The following GPATCH2L variants were observed in gnomAD, a reference collection of about 807,000 sequenced individuals.
GPATCH2L encodes the protein G-patch domain containing 2 like.
Under a neutral mutation model 57.4 loss-of-function variants are expected in GPATCH2L, and 31 were observed. The observed-to-expected ratio is 0.54, with a 90% CI of 0.41 to 0.73. The LOEUF (loss-of-function observed/expected upper bound fraction) is 0.73. GPATCH2L is among the 30% of genes least tolerant of loss of function. The pLI, the probability that GPATCH2L is intolerant of heterozygous loss-of-function variation, is 0.00. For missense variants in GPATCH2L, 481 were observed against 599.9 expected, an observed-to-expected ratio of 0.80 and a Z score of 2.07; for synonymous variants, 199 against 210.7, an observed-to-expected ratio of 0.94 and a Z score of 0.48.
At chr14:76,187,816 A>G (rs2139761149) in intron 8 of GPATCH2L, among the ~76,000 whole-genome samples, 1 of 152,128 alleles carries the variant, frequency 6.6e-6, no homozygotes, top group South Asian at 2.1e-4. Flanking sequence ...GATCTTATTC[A>G]TTCTTTCAAT....
rs1448594880 is a variant in GPATCH2L at position 76,155,075 on chromosome 14, A to G, written c.662+50A>G. 4 of 1,479,366 alleles carry G rather than the reference A, an allele frequency of 2.7e-6. No homozygotes were observed. The African/African-American group carries it at 5.6e-5, about 21-fold the overall frequency. The allele number at this position is 1,479,366 out of a possible 1,614,324, so 91.6% of individuals were successfully genotyped here. ...AGATTTTCCTGGTTAATTTTTCCCA[A>G]AGTGCACATCCATGGTCTTAGTGGG... On this transcript the variant is annotated intron_variant, in intron 2 of 9. Coordinates refer to ENST00000261530, the MANE Select transcript of GPATCH2L (RefSeq NM_017926.4).
At chr14:76,216,062 G>A (rs78919208), downstream of GPATCH2L, among the ~76,000 whole-genome samples, 3,358 of 152,164 alleles carry the variant, frequency 0.022, 74 homozygotes, top group South Asian at 0.076. Context: ...GATGCAGGAG[G>A]TAAAGCAGGG....
At chr14:76,196,358 C>A in intron 9 of GPATCH2L, 1 of 388,122 alleles carries the variant, frequency 2.6e-6, no homozygotes, top group Non-Finnish European at 4.6e-6. Context: ...ATTCTTACTG[C>A]TTTTATAAGT....
chr14:76,231,239 TG>T (rs2040559980), intron 2 of GPATCH2L, among the ~76,000 whole-genome samples: 2 of 152,336 alleles, frequency 1.3e-5, no homozygotes, highest in South Asian at 4.1e-4. Context: ...CCCTCACTGT[TG>T]GTACTGACCG....
chr14:76,232,766 C>T (rs2040579115), intron 2 of GPATCH2L, among the ~76,000 whole-genome samples: 1 of 152,186 alleles, frequency 6.6e-6, no homozygotes, highest in African/African-American at 2.4e-5. Context: ...TGGGAAGTGT[C>T]CTTTTCCCAG....
chr14:76,215,666 A>C (rs2139855370), downstream of GPATCH2L, among the ~76,000 whole-genome samples: 1 of 150,738 alleles, frequency 6.6e-6, no homozygotes, highest in South Asian at 2.2e-4. Context: ...TATCGCAAGA[A>C]CAAAAAACCA....
rs1383861786 is a variant in GPATCH2L at position 76,203,106 on chromosome 14, AG to A, written c.*1257del. 2 of 152,214 alleles carry A rather than the reference AG, an allele frequency of 1.3e-5. No homozygotes were observed. The highest frequency in any genetic ancestry group is 4.8e-5 in the African/African-American group (2 of 41,462). 9.4% of individuals were successfully genotyped at this position (152,214 alleles called of 1,614,324 possible). ...CATCTGCTTATTTTCTGTCTTAAATAGGTGCTGAATGGGGCAGCACCTCCTT... is the reference window on the plus strand; with the variant it reads ...CATCTGCTTATTTTCTGTCTTAAATAGTGCTGAATGGGGCAGCACCTCCTT... On this transcript the variant is annotated 3_prime_UTR_variant, in exon 10 of 10. Transcript: ENST00000261530.
chr14:76,210,884 C>G lies in GPATCH2L; in HGVS notation c.*9033C>G, dbSNP rs1478892220. ...AACACATCTTATGCCAAGCACTCTG[C>G]TAGGAGCTGGGTATACAGAGAAGAA... is the stretch of plus-strand genomic sequence containing the variant. On this transcript the variant is annotated 3_prime_UTR_variant, in exon 10 of 10. Transcript: ENST00000261530. The G allele has an allele frequency of 6.6e-6, 1 of 152,154 alleles. No individual in the cohort carries two copies. Among genetic ancestry groups the G allele is most frequent in the African/African-American group, 2.4e-5 (1 of 41,416 alleles). The allele number at this position is 152,154 out of a possible 1,614,324, so 9.4% of individuals were successfully genotyped here.
In GPATCH2L at chr14:76,207,313, A is replaced by C. The variant is rs1419475312; in HGVS notation, c.*5462A>C. ...CCTGGGTGACAGAGCAAGACCCTGT[A>C]TCAAAAAATAGATAATAAAATAAAA... is the stretch of plus-strand genomic sequence containing the variant. On this transcript the variant is annotated 3_prime_UTR_variant, in exon 10 of 10. Coordinates refer to ENST00000261530, the MANE Select transcript of GPATCH2L (RefSeq NM_017926.4). The C allele has an allele frequency of 6.6e-6, 1 of 152,194 alleles. No individual in the cohort carries two copies. Among genetic ancestry groups the C allele is most frequent in the Admixed American group, 6.5e-5 (1 of 15,268 alleles). 9.4% of individuals were successfully genotyped at this position (152,194 alleles called of 1,614,324 possible). A position where few individuals can be genotyped will look rare whatever the true frequency, so the allele number is the denominator to read the frequency against.
In GPATCH2L at chr14:76,154,865, C is replaced by T. The variant is rs1273360926; in HGVS notation, c.502C>T (p.Leu168=). 3 of 1,614,212 alleles carry T rather than the reference C, an allele frequency of 1.9e-6. No individual in the cohort carries two copies. Among genetic ancestry groups the T allele is most frequent in the Non-Finnish European group, 2.5e-6 (3 of 1,180,026 alleles). ...CRFKSAKKQR[L]SRWKENTPWT... is the part of the protein sequence containing the mutation. The stretch of plus-strand genomic sequence containing the variant: ...GTTCAAGTCTGCTAAGAAGCAGCGT[C>T]TGTCCCGCTGGAAGGAGAATACTCC... The change falls in exon 2 of 10, where the codon CTG becomes TTG. Residue 168 remains leucine (L), a synonymous_variant. Coordinates refer to ENST00000261530, the MANE Select transcript of GPATCH2L (RefSeq NM_017926.4). The surrounding 1 kb of genome is among the most constrained non-coding windows in gnomAD (Gnocchi z 4.4).
At chr14:76,166,521 G>T in intron 2 of GPATCH2L, 142 bp from the exon 3 acceptor site, 1 of 526,532 alleles carries the variant, frequency 1.9e-6, no homozygotes, top group Non-Finnish European at 3.5e-6. Context: ...ATAAAACTTT[G>T]TAGCTTCCTG....
chr14:76,233,258 GT>G (rs1404347095), intron 2 of GPATCH2L, among the ~76,000 whole-genome samples: 1 of 152,112 alleles, frequency 6.6e-6, no homozygotes, highest in East Asian at 1.9e-4. Context: ...AGACCAATTT[GT>G]TTTCCATTCC....
chr14:76,231,722 A>C (rs368253604), intron 2 of GPATCH2L, among the ~76,000 whole-genome samples: 5 of 152,218 alleles, frequency 3.3e-5, no homozygotes, highest in Middle Eastern at 3.4e-3. Context: ...CAGAAGTAGA[A>C]AATGCAAAAA....
Position 76,182,443 on chromosome 14 carries a change from G to A in GPATCH2L, c.1193+1594G>A, listed in dbSNP as rs184059018. 6.3e-3 allele frequency among the ~76,000 whole-genome samples: 841 copies of A among 133,252 alleles called. 7 individuals carry two copies. Among genetic ancestry groups the A allele is most frequent in the African/African-American group, 0.014 (503 of 37,008 alleles). The allele number at this position is 133,252 out of a possible 152,430, so 87.4% of individuals were successfully genotyped here. A position where few individuals can be genotyped will look rare whatever the true frequency, so the allele number is the denominator to read the frequency against. ...AAAATTTTTTTTTTTTAAATCATTT[G>A]TGTCTGGTGATGTACACCTGTAGTC... On this transcript the variant is annotated intron_variant, in intron 8 of 9. Transcript: ENST00000261530.
intron 1 of GPATCH2L, chr14:76,152,538 A>G (rs529531083): frequency 2.5e-6 from 1 of 398,760 alleles, no homozygotes; most frequent in African/African-American, 2.1e-5. Flanking sequence ...TCCACCAGCT[A>G]CCCGTTCCTT....
chr14:76,217,200 A>G (rs1049728601), downstream of GPATCH2L, among the ~76,000 whole-genome samples: 5 of 152,220 alleles, frequency 3.3e-5, no homozygotes, highest in Admixed American at 3.3e-4. Context: ...GCAAGCTAAG[A>G]ACGGTGTTTT....
chr14:76,199,768 A>G (rs921356133), intron 9 of GPATCH2L, among the ~76,000 whole-genome samples: 1 of 152,210 alleles, frequency 6.6e-6, no homozygotes, highest in Non-Finnish European at 1.5e-5. Context: ...CAGTTCCTCA[A>G]AAAGTTAAAC....
downstream of GPATCH2L, among the ~76,000 whole-genome samples, chr14:76,217,765 G>A (rs76265629): frequency 5.1e-3 from 780 of 152,254 alleles, 2 homozygotes; most frequent in Middle Eastern, 0.01. Flanking sequence ...TGAGCAGACA[G>A]TTGACAGAAA....
At chr14:76,222,956 A>G (rs1313856063) in intron 1 of GPATCH2L, among the ~76,000 whole-genome samples, 1 of 58,924 alleles carries the variant, frequency 1.7e-5, no homozygotes, top group Non-Finnish European at 6.4e-5. Flanking sequence ...ACTGTGTTCA[A>G]AAAAAAAAAA....
Sources: gnomAD v4.1 joint callset for allele counts (sites outside exome capture counted in the v4.1 genomes callset) on GRCh38, gnomAD v4.1.1 for gene constraint, Gnocchi (gnomAD v3.1) non-coding constraint, MANE v1.5 for transcripts, NCBI Gene and HGNC (gene_info 2026-07-23, HGNC 2026-07-21) for gene names.